Variants in SEMA5B observed in about 807,000 individuals in gnomAD.
SEMA5B encodes semaphorin-5B.
In SEMA5B, 66 loss-of-function variants were observed where a neutral mutation model predicts 135.0. That is an observed-to-expected ratio of 0.49 (90% CI 0.40 to 0.60). The LOEUF (loss-of-function observed/expected upper bound fraction) is 0.60, where lower values mean the gene tolerates loss of function less well. SEMA5B is among the 20% of genes least tolerant of loss of function. SEMA5B has a pLI of 0.00. For synonymous variants in SEMA5B, 690 were observed against 639.5 expected (o/e 1.08, Z -1.19); for missense variants, 1,501 against 1,566.3 (o/e 0.96, Z 0.70).
chr3:122,970,184 A>G (rs903052851), intron 1 of SEMA5B, among the ~76,000 whole-genome samples: 15 of 152,250 alleles, frequency 9.9e-5, no homozygotes, highest in Admixed American at 3.3e-4. Context: ...TGGCAGAGCC[A>G]GGACTGTGAA....
intron 1 of SEMA5B, chr3:122,976,089 C>CA (rs1332054538): frequency 6.5e-7 from 1 of 1,535,270 alleles, no homozygotes; most frequent in African/African-American, 1.4e-5. Context: ...GACCCTCACG[C>CA]AGCCAATGGC....
At chr3:122,920,786 T>C (rs768230011) in intron 12 of SEMA5B, among the ~76,000 whole-genome samples, 3 of 152,210 alleles carry the variant, frequency 2.0e-5, no homozygotes, top group Non-Finnish European at 4.4e-5. Context: ...TCTCCCCACA[T>C]GTCTGATATA....
chr3:122,997,737 T>G (rs954562749), intron 1 of SEMA5B, among the ~76,000 whole-genome samples: 3 of 152,108 alleles, frequency 2.0e-5, no homozygotes, highest in Non-Finnish European at 2.9e-5. Context: ...AAGGGAAAAG[T>G]CAAGGTCTGT....
intron 1 of SEMA5B, among the ~76,000 whole-genome samples, chr3:123,008,944 G>A (rs1263950100): frequency 2.6e-5 from 4 of 152,214 alleles, no homozygotes; most frequent in Admixed American, 2.0e-4. Flanking sequence ...CCAAAGAGCA[G>A]TGCCCTGCCT....
At chr3:122,953,492 A>G (rs1391985581) in intron 2 of SEMA5B, among the ~76,000 whole-genome samples, 3 of 152,160 alleles carry the variant, frequency 2.0e-5, no homozygotes, top group Admixed American at 2.0e-4. Flanking sequence ...TTGCTAGATT[A>G]ATATTACTGT....
chr3:122,927,594 A>G (rs930242411), intron 8 of SEMA5B, among the ~76,000 whole-genome samples, 196 bp downstream of exon 8: 6 of 152,154 alleles, frequency 3.9e-5, no homozygotes, highest in Non-Finnish European at 8.8e-5. Context: ...GCCTCGGGAC[A>G]TCACCTGTGA....
At chr3:123,014,602 C>A (rs1327893282) in intron 1 of SEMA5B, among the ~76,000 whole-genome samples, 2 of 152,244 alleles carry the variant, frequency 1.3e-5, no homozygotes, top group Admixed American at 1.3e-4. Context: ...TGCAGAGCTC[C>A]AACCCACACC....
intron 1 of SEMA5B, among the ~76,000 whole-genome samples, chr3:123,025,429 A>G (rs13088210): frequency 6.6e-6 from 1 of 152,230 alleles, no homozygotes; most frequent in Non-Finnish European, 1.5e-5. Flanking sequence ...CTCTCTGGGC[A>G]TGGGCTCGGC....
Position 122,923,665 on chromosome 3 carries a change from G to T in SEMA5B, c.1224C>A (p.Asn408Lys), listed in dbSNP as rs758914141. The T allele has an allele frequency of 6.2e-6, 10 of 1,614,002 alleles. No individual in the cohort carries two copies. Among genetic ancestry groups the T allele is most frequent in the Non-Finnish European group, 3.4e-6 (4 of 1,179,976 alleles). ...CTATGGGGAGCCAGGCAGCCCTGGG[G>T]TTCTCCTGGTAGCGAAATGGGCCAT... ...AFNGPFRYQE[N>K]PRAAWLPIAN... The change falls in exon 10 of 23, where the codon AAC (asparagine) becomes AAA (lysine). Residue 408 changes from asparagine to lysine, a missense_variant. Around this residue, in one of 2 missense-constraint regions of SEMA5B, gnomAD observed 574 missense variants for 684.7 expected, o/e 0.84. Transcript: ENST00000357599.
chr3:122,958,637 G>T (rs184742970), intron 2 of SEMA5B, among the ~76,000 whole-genome samples: 4 of 152,234 alleles, frequency 2.6e-5, no homozygotes, highest in African/African-American at 9.6e-5. Flanking sequence ...ATTTGATACG[G>T]ATTTTCCTCT....
chr3:123,016,961 G>T (rs779936344), intron 1 of SEMA5B, among the ~76,000 whole-genome samples: 1 of 145,130 alleles, frequency 6.9e-6, no homozygotes, highest in African/African-American at 2.6e-5. Context: ...GCGCGATCTC[G>T]GCTCACTGCA....
At chr3:123,005,591 A>T (rs1192530461) in intron 1 of SEMA5B, among the ~76,000 whole-genome samples, 1 of 152,104 alleles carries the variant, frequency 6.6e-6, no homozygotes, top group Non-Finnish European at 1.5e-5. Flanking sequence ...TTGCATATTT[A>T]ACTCCAATTC....
intron 5 of SEMA5B, among the ~76,000 whole-genome samples, chr3:122,930,175 G>A (rs1938895111): frequency 1.3e-5 from 2 of 152,226 alleles, no homozygotes. Flanking sequence ...CAGTGTGGGA[G>A]GGGAGGCAGG....
chr3:123,008,537 G>A (rs1446431289), intron 1 of SEMA5B, among the ~76,000 whole-genome samples: 4 of 152,182 alleles, frequency 2.6e-5, no homozygotes, highest in Non-Finnish European at 4.4e-5. Flanking sequence ...GGAGAGGAGA[G>A]TGGAGGCAGA....
At chr3:122,950,277 T>C (rs1211929850) in intron 2 of SEMA5B, among the ~76,000 whole-genome samples, 1 of 152,250 alleles carries the variant, frequency 6.6e-6, no homozygotes, top group African/African-American at 2.4e-5. Context: ...TGCTGCAGTC[T>C]TCCGGTGAAG....
intron 5 of SEMA5B, among the ~76,000 whole-genome samples, chr3:122,938,252 A>G (rs1939388993): frequency 6.6e-6 from 1 of 151,870 alleles, no homozygotes; most frequent in Non-Finnish European, 1.5e-5. Context: ...TGTTTATTGG[A>G]TGGGTGGATG....
At chr3:123,011,628 G>A (rs1359877441) in intron 1 of SEMA5B, among the ~76,000 whole-genome samples, 1 of 152,140 alleles carries the variant, frequency 6.6e-6, no homozygotes, top group Non-Finnish European at 1.5e-5. Flanking sequence ...TGCAACCCAA[G>A]GTTAATGCCT....
Position 122,910,180 on chromosome 3 carries a change from T to G in SEMA5B, c.3419A>C (p.Glu1140Ala). ...GAAGCACCGTTGTCCAGGTGAGGCC[T>G]CGGGCCGGAAGCTGTGTTTGTTCAG... Reference protein sequence around the residue: ...SPLNKHSFRPEASPGQRCFPN... With the variant: ...SPLNKHSFRPAASPGQRCFPN... The change falls in exon 23 of 23, where the codon GAG (glutamate) becomes GCG (alanine). Residue 1140 changes from glutamate to alanine, a missense_variant. This residue lies in a region of SEMA5B where 927 missense variants were observed against 881.6 expected (regional missense o/e 1.05). Transcript: ENST00000357599. 6.2e-7 allele frequency: 1 copy of G among 1,614,212 alleles called. No individual in the cohort carries two copies.
At chr3:122,983,234 G>A (rs556600306) in intron 1 of SEMA5B, among the ~76,000 whole-genome samples, 1 of 152,294 alleles carries the variant, frequency 6.6e-6, no homozygotes, top group South Asian at 2.1e-4. Flanking sequence ...CCTCCAACCA[G>A]AAGTACATCT....
Sources: gnomAD v4.1 joint callset for allele counts (sites outside exome capture counted in the v4.1 genomes callset) on GRCh38, gnomAD v4.1.1 for gene constraint, gnomAD v4.1.1 regional missense constraint, MANE v1.5 for transcripts, NCBI Gene and HGNC (gene_info 2026-07-23, HGNC 2026-07-21) for gene names.